The following OPN3 variants were observed in gnomAD, a reference collection of about 807,000 sequenced individuals.
OPN3 encodes opsin-3.
In OPN3, 29 loss-of-function variants were observed where a neutral mutation model predicts 33.8. The ratio of observed to expected loss-of-function variants is 0.86; its 90% CI spans 0.64 to 1.17. The LOEUF is 1.17. Among genes scored for constraint, OPN3 ranks in the 50% most tolerant of loss-of-function variants. The pLI, the probability that OPN3 is intolerant of heterozygous loss-of-function variation, is 0.00. For synonymous variants in OPN3, 216 were observed against 216.1 expected (o/e 1.00, Z 0.00); for missense variants, 437 against 514.1 (o/e 0.85, Z 1.45).
At chr1:241,617,675 A>G (rs1296182527) in intron 1 of OPN3, among the ~76,000 whole-genome samples, 1 of 152,238 alleles carries the variant, frequency 6.6e-6, no homozygotes, top group Non-Finnish European at 1.5e-5. Context: ...TCAAGAATGA[A>G]TATCACACGC....
chr1:241,622,439 T>C (rs961993429), intron 1 of OPN3, among the ~76,000 whole-genome samples: 2 of 152,194 alleles, frequency 1.3e-5, no homozygotes, highest in Non-Finnish European at 2.9e-5. Flanking sequence ...CTCACTACCA[T>C]ATCATCTGAT....
At chr1:241,629,487 TAA>T (rs1361847801) in intron 1 of OPN3, 8 of 152,290 alleles carry the variant, frequency 5.3e-5, no homozygotes, top group Middle Eastern at 3.4e-3. Context: ...TAAATTTGCC[TAA>T]GAGTACAAAC....
intron 2 of OPN3, among the ~76,000 whole-genome samples, chr1:241,599,808 A>C (rs573635206): frequency 1.3e-5 from 2 of 152,324 alleles, no homozygotes; most frequent in Non-Finnish European, 2.9e-5. Flanking sequence ...AAAGCAAAAA[A>C]ACCTATGAGA....
chr1:241,620,772 A>C (rs1664252107), intron 1 of OPN3, among the ~76,000 whole-genome samples: 1 of 152,208 alleles, frequency 6.6e-6, no homozygotes, highest in African/African-American at 2.4e-5. Context: ...AATATAATTA[A>C]TATTTTACAC....
Position 241,624,945 on chromosome 1 carries a change from A to G in OPN3, c.373+14937T>C, listed in dbSNP as rs942245880. On this transcript the variant is annotated intron_variant, in intron 1 of 3. Transcript: ENST00000366554. ...TGCAAATGGGGATAATAAAATACCT[A>G]CCCAACTAGGTTTTTATGAGGATAA... 3.9e-5 allele frequency among the ~76,000 whole-genome samples: 6 copies of G among 152,292 alleles called. No individual in the cohort carries two copies. The East Asian group carries it at 1.2e-3, about 29-fold the overall frequency.
chr1:241,637,661 G>C (rs1358445483), intron 1 of OPN3, among the ~76,000 whole-genome samples: 2 of 152,136 alleles, frequency 1.3e-5, no homozygotes, highest in African/African-American at 4.8e-5. Flanking sequence ...AGATATCAAA[G>C]GGGTCATCAA....
intron 2 of OPN3, among the ~76,000 whole-genome samples, chr1:241,602,177 C>T (rs907900984): frequency 6.6e-6 from 1 of 152,086 alleles, no homozygotes; most frequent in Non-Finnish European, 1.5e-5. Context: ...AAGAGAAGCC[C>T]TTGGAAGAGA....
intron 1 of OPN3, among the ~76,000 whole-genome samples, chr1:241,613,408 G>A (rs528738352): frequency 1.3e-5 from 2 of 152,310 alleles, no homozygotes; most frequent in East Asian, 3.9e-4. Flanking sequence ...CACACAGTCT[G>A]CTTCCAAAGT....
intron 2 of OPN3, among the ~76,000 whole-genome samples, chr1:241,598,435 T>C (rs1384394352): frequency 6.6e-6 from 1 of 152,196 alleles, no homozygotes; most frequent in Admixed American, 6.5e-5. Context: ...ATGTCAGGTG[T>C]TCTGCATGAT....
chr1:241,633,536 A>G (rs1470409238), intron 1 of OPN3: 3 of 455,406 alleles, frequency 6.6e-6, no homozygotes, highest in Non-Finnish European at 1.2e-5. Flanking sequence ...TATACCCAAT[A>G]CTAAAATAAA....
chr1:241,594,604 T>C lies in OPN3; in HGVS notation c.1033A>G (p.Met345Val). The C allele has an allele frequency of 6.2e-7, 1 of 1,614,120 alleles. No individual in the cohort carries two copies. The highest frequency in any genetic ancestry group is 8.5e-7 in the Non-Finnish European group (1 of 1,179,992). Residue 345 changes from methionine to valine, a missense_variant, in exon 4 of 4, where the codon ATG (methionine) becomes GTG (valine). Physicochemically the swap from Met to Val is conservative, Grantham distance 21. Transcript: ENST00000366554. ...AKDLPAAGSEMQIRPIVMSQK... is the reference protein window; with the variant it reads ...AKDLPAAGSEVQIRPIVMSQK... ...GACATCACAATGGGTCTGATCTGCA[T>C]TTCACTTCCAGCTGCTGGTAGGTCT...
At chr1:241,618,511 C>G (rs1664194487) in intron 1 of OPN3, among the ~76,000 whole-genome samples, 1 of 152,198 alleles carries the variant, frequency 6.6e-6, no homozygotes, top group Non-Finnish European at 1.5e-5. Flanking sequence ...TCCTCAATTC[C>G]CATCACTGGT....
In OPN3 at chr1:241,604,415, T is replaced by C; in HGVS notation, c.538A>G (p.Ile180Val). The C allele has an allele frequency of 6.2e-7, 1 of 1,614,176 alleles. No individual in the cohort carries two copies. The highest frequency in any genetic ancestry group is 1.3e-5 in the African/African-American group (1 of 75,050). Residue 180 changes from isoleucine (I) to valine (V), a missense_variant, in exon 2 of 4, where the codon ATC becomes GTC. Transcript: ENST00000366554. ...GAPLLGWNRY[I>V]LDVHGLGCTV... ...CAGCCTAGTCCGTGTACGTCCAGGA[T>C]GTACCTGTTCCATCCCAGGAGAGGT...
intron 1 of OPN3, among the ~76,000 whole-genome samples, chr1:241,623,484 T>C (rs1664323358): frequency 6.6e-6 from 1 of 152,216 alleles, no homozygotes; most frequent in Admixed American, 6.5e-5. Flanking sequence ...CATTAGGTGC[T>C]TCTCCACTAG....
chr1:241,595,944 C>T (rs190578477), intron 3 of OPN3, among the ~76,000 whole-genome samples: 2 of 152,218 alleles, frequency 1.3e-5, no homozygotes, highest in African/African-American at 2.4e-5. Flanking sequence ...AGGACAAGGA[C>T]CGTTGTTTTT....
chr1:241,624,225 T>C (rs1477187167), intron 1 of OPN3, among the ~76,000 whole-genome samples: 2 of 122,010 alleles, frequency 1.6e-5, no homozygotes, highest in Non-Finnish European at 3.4e-5. Context: ...GTGGACCCTC[T>C]TTCACCTGTC....
Position 241,639,997 on chromosome 1 carries a change from G to A in OPN3, c.258C>T (p.Ser86=), listed in dbSNP as rs1266658780. ...CCCCGAAGAGGGACACCAGCAGGTC[G>A]CTGAGGCTGATGTTGACCAGGAGGA... ...THLLLVNISL[S]DLLVSLFGVT... The change falls in exon 1 of 4, where the codon AGC becomes AGT. Residue 86 remains serine (S), a synonymous_variant. Transcript: ENST00000366554. 1.9e-6 allele frequency: 3 copies of A among 1,613,076 alleles called. No homozygotes were observed. The highest frequency in any genetic ancestry group is 1.7e-6 in the Non-Finnish European group (2 of 1,179,586).
intron 1 of OPN3, chr1:241,635,803 G>C (rs757759137): frequency 6.4e-7 from 1 of 1,565,046 alleles, no homozygotes; most frequent in Non-Finnish European, 8.7e-7. Flanking sequence ...AACTGCTGAT[G>C]AAAGAAATGA....
intron 1 of OPN3, among the ~76,000 whole-genome samples, chr1:241,613,664 G>A (rs997105795): frequency 5.9e-5 from 9 of 152,246 alleles, no homozygotes; most frequent in Admixed American, 2.0e-4. Context: ...GTTAGAATGA[G>A]TGATTTCCAT....
Sources: allele counts gnomAD v4.1 joint callset (sites outside exome capture counted in the v4.1 genomes callset), GRCh38; gene constraint gnomAD v4.1.1; transcripts MANE v1.5; gene names NCBI Gene and HGNC (gene_info 2026-07-23, HGNC 2026-07-21).